REELD1: variants seen among roughly 807,000 people sequenced by gnomAD.
The protein encoded by REELD1 is reelin domain-containing protein 1.
REELD1 carries 12 observed loss-of-function variants against 6.3 expected under a neutral mutation model. The ratio of observed to expected loss-of-function variants is 1.89; its 90% CI spans 1.21 to 3.07. The LOEUF is 3.07. Among genes scored for constraint, REELD1 ranks in the 30% most tolerant of loss-of-function variants. The probability of loss-of-function intolerance (pLI) is 0.00; values close to 1 mark genes in which losing one functional copy is unlikely to be tolerated. For missense variants in REELD1, 163 were observed against 86.8 expected (o/e 1.88, Z -3.49); for synonymous variants, 57 against 33.6 (o/e 1.70, Z -2.42).
At chr4:146,226,339 GT>G (rs1397833208) in intron 5 of REELD1, among the ~76,000 whole-genome samples, 1 of 152,112 alleles carries the variant, frequency 6.6e-6, no homozygotes, top group African/African-American at 2.4e-5. Context: ...TATCTCCTTT[GT>G]GAAACTTTTC....
chr4:146,226,481 G>C (rs932098682), intron 5 of REELD1, among the ~76,000 whole-genome samples: 1 of 152,274 alleles, frequency 6.6e-6, no homozygotes, highest in East Asian at 1.9e-4. Flanking sequence ...CAAGATGAAG[G>C]CACCATCAGA....
Position 146,230,503 on chromosome 4 carries a change from C to T in REELD1, c.1571C>T (p.Thr524Ile). Residue 524 changes from threonine to isoleucine, a missense_variant, in exon 8 of 8, where the codon ACA (threonine) becomes ATA (isoleucine). Coordinates refer to ENST00000623665, the MANE Select transcript of REELD1 (RefSeq NM_001354631.1). ...WITPSVGSKK[T>I]VL ...ACTCCTTCTGTGGGTAGCAAGAAAA[C>T]AGTCCTCTGAGAAGACTGTCACCCC... The T allele has an allele frequency of 2.5e-6, 1 of 398,728 alleles. No individual in the cohort carries two copies. Among genetic ancestry groups the T allele is most frequent in the Non-Finnish European group, 4.4e-6 (1 of 226,138 alleles). 24.7% of individuals were successfully genotyped at this position (398,728 alleles called of 1,614,324 possible). A position where few individuals can be genotyped will look rare whatever the true frequency, so the allele number is the denominator to read the frequency against.
At chr4:146,219,285 T>G (rs1730878892) in intron 3 of REELD1, among the ~76,000 whole-genome samples, 3 of 152,220 alleles carry the variant, frequency 2.0e-5, no homozygotes, top group Admixed American at 6.5e-5. Context: ...GGATTGTAAC[T>G]GGAACCAAGA....
chr4:146,221,575 G>A (rs1730922697), intron 3 of REELD1, among the ~76,000 whole-genome samples: 1 of 152,110 alleles, frequency 6.6e-6, no homozygotes, highest in African/African-American at 2.4e-5. Flanking sequence ...AATTATTACT[G>A]AGCAGCCAGA....
chr4:146,227,443 C>T (rs751711685), intron 5 of REELD1, among the ~76,000 whole-genome samples: 1 of 152,170 alleles, frequency 6.6e-6, no homozygotes, highest in African/African-American at 2.4e-5. Flanking sequence ...TTGTGGTAAA[C>T]CCTCTGTGCA....
chr4:146,228,010 T>C (rs1368587399), intron 5 of REELD1, among the ~76,000 whole-genome samples, 200 bp from the exon 6 acceptor site: 1 of 152,164 alleles, frequency 6.6e-6, no homozygotes, highest in Admixed American at 6.5e-5. Context: ...TAAAAAGATA[T>C]AAGCCCTTGC....
chr4:146,219,175 C>T (rs1220102408), intron 3 of REELD1, among the ~76,000 whole-genome samples: 2 of 151,876 alleles, frequency 1.3e-5, no homozygotes, highest in African/African-American at 4.8e-5. Flanking sequence ...CAAACAAACC[C>T]CAAACCAAAA....
chr4:146,232,043 C>G lies in REELD1; in HGVS notation c.*1530C>G, dbSNP rs1731140922. 1 of 152,228 alleles carries G rather than the reference C, an allele frequency of 6.6e-6. No homozygotes were observed. The highest frequency in any genetic ancestry group is 1.5e-5 in the Non-Finnish European group (1 of 68,052). 9.4% of individuals were successfully genotyped at this position (152,228 alleles called of 1,614,324 possible). On this transcript the variant is annotated 3_prime_UTR_variant, in exon 8 of 8. Transcript: ENST00000623665. ...ATATCCCTTCTGTATGTCTAGCCCT[C>G]TAAAAGACGTTCTCCCCAAGAAGCA...
intron 5 of REELD1, among the ~76,000 whole-genome samples, chr4:146,225,736 TGAAGCTTCAGGAA>T (rs1172475257): frequency 2.0e-5 from 3 of 152,216 alleles, no homozygotes; most frequent in Non-Finnish European, 4.4e-5. Context: ...TGAATAAAAG[TGAAGCTTCAGGAA>T]GAAGTGTCAT....
At chr4:146,224,683 T>TA in intron 5 of REELD1, 75 bp downstream of exon 5, 2 of 674,216 alleles carry the variant, frequency 3.0e-6, no homozygotes, top group South Asian at 3.1e-5. Flanking sequence ...ACTTAAAAGT[T>TA]ACTACTGCCA....
intron 5 of REELD1, among the ~76,000 whole-genome samples, chr4:146,226,244 A>AT (rs1172336520): frequency 6.6e-6 from 1 of 152,098 alleles, no homozygotes; most frequent in Non-Finnish European, 1.5e-5. Context: ...CTACTTTTAT[A>AT]TTTTAGTGCC....
chr4:146,218,985 C>CA lies in REELD1; in HGVS notation c.208+1833dup, dbSNP rs928958673. ...GCAACATGGCAAAACCCTGTCCCTA[C>CA]AAAAAAAATACAGAAATTAGCCAGG... On this transcript the variant is annotated intron_variant, in intron 3 of 7. Transcript: ENST00000623665. 9.9e-5 allele frequency among the ~76,000 whole-genome samples: 15 copies of CA among 151,160 alleles called. No homozygotes were observed. In the East Asian group the frequency reaches 1.9e-3, roughly 19 times the overall value.
Position 146,230,151 on chromosome 4 carries a change from A to G in REELD1, c.1219A>G (p.Lys407Glu). The part of the protein sequence containing the change: ...QSKHKELRAG[K>E]GNGEGGVGYP... ...AAAGCACAAGGAGCTCAGAGCAGGG[A>G]AGGGAAATGGAGAGGGTGGAGTGGG... Residue 407 changes from lysine to glutamate, a missense_variant, in exon 8 of 8, where the codon AAG (lysine) becomes GAG (glutamate). Physicochemically the swap from Lys to Glu is moderately conservative, Grantham distance 56. Coordinates refer to ENST00000623665, the MANE Select transcript of REELD1 (RefSeq NM_001354631.1). The G allele has an allele frequency of 5.0e-6, 2 of 398,788 alleles. No homozygotes were observed. Among genetic ancestry groups the G allele is most frequent in the South Asian group, 1.3e-4 (1 of 7,864 alleles). 24.7% of individuals were successfully genotyped at this position (398,788 alleles called of 1,614,324 possible).
chr4:146,218,436 A>G (rs1419019639), intron 3 of REELD1, among the ~76,000 whole-genome samples: 2 of 152,196 alleles, frequency 1.3e-5, no homozygotes, highest in Non-Finnish European at 2.9e-5. Flanking sequence ...GCTCCAACAC[A>G]TCAGCAACTT....
intron 5 of REELD1, among the ~76,000 whole-genome samples, chr4:146,224,864 G>A (rs1368607531): frequency 1.3e-5 from 2 of 152,036 alleles, no homozygotes; most frequent in Non-Finnish European, 2.9e-5. Flanking sequence ...CAGGCCCCAG[G>A]GTGGACAGTG....
chr4:146,228,644 C>A (rs1355047339), intron 6 of REELD1, 122 bp downstream of exon 6: 1 of 600,094 alleles, frequency 1.7e-6, no homozygotes, highest in East Asian at 2.7e-5. Flanking sequence ...TGTGAAAAAC[C>A]CAGGATGTAG....
chr4:146,225,958 T>C (rs1731014365), intron 5 of REELD1, among the ~76,000 whole-genome samples: 3 of 152,148 alleles, frequency 2.0e-5, no homozygotes, highest in South Asian at 2.1e-4. Context: ...GAAACATGTA[T>C]GTATGCTTGT....
At chr4:146,225,598 C>A (rs1001456542) in intron 5 of REELD1, among the ~76,000 whole-genome samples, 3 of 152,124 alleles carry the variant, frequency 2.0e-5, no homozygotes, top group Non-Finnish European at 4.4e-5. Context: ...ATCTCGGAGC[C>A]TGAGACCATG....
intron 4 of REELD1, 130 bp from the exon 5 acceptor site, chr4:146,224,315 A>G: frequency 4.5e-6 from 2 of 444,004 alleles, no homozygotes; most frequent in Non-Finnish European, 7.9e-6. Flanking sequence ...TCTCTCTCTC[A>G]TTCTGCTATT....
Sources: gnomAD v4.1 joint callset for allele counts (sites outside exome capture counted in the v4.1 genomes callset) on GRCh38, gnomAD v4.1.1 for gene constraint, MANE v1.5 for transcripts, NCBI Gene and HGNC (gene_info 2026-07-23, HGNC 2026-07-21) for gene names.